The following PDE4DIP variants were observed in gnomAD, a reference collection of about 807,000 sequenced individuals.
PDE4DIP encodes the protein phosphodiesterase 4D interacting protein.
Under a neutral mutation model 221.4 loss-of-function variants are expected in PDE4DIP, and 59 were observed. The ratio of observed to expected loss-of-function variants is 0.27; its 90% CI spans 0.22 to 0.33. The LOEUF is 0.33. PDE4DIP is among the 10% of genes least tolerant of loss of function. The pLI, the probability that PDE4DIP is intolerant of heterozygous loss-of-function variation, is 1.00. For missense variants in PDE4DIP, 1,036 were observed against 2,154.2 expected (o/e 0.48, Z 10.28); for synonymous variants, 404 against 815.9 (o/e 0.50, Z 8.60).
At chr1:148,986,506 T>TA (rs1309686163) in intron 21 of PDE4DIP, 53 of 152,274 alleles carry the variant, frequency 3.5e-4, no homozygotes, top group African/African-American at 1.1e-3. Flanking sequence ...AAGATATTTA[T>TA]AAAAAAAGTA....
intron 5 of PDE4DIP, among the ~76,000 whole-genome samples, chr1:148,941,359 T>C (rs587739645): frequency 1.3e-5 from 1 of 74,556 alleles, no homozygotes; most frequent in Non-Finnish European, 2.5e-5. Context: ...AGCTAAGGAA[T>C]TGGGAGTAAT....
intron 18 of PDE4DIP, 46 bp from the exon 22 acceptor site, chr1:148,978,232 C>T: frequency 2.7e-6 from 4 of 1,505,070 alleles, no homozygotes; most frequent in Non-Finnish European, 2.7e-6. Flanking sequence ...GCTGAATAAT[C>T]CTTTTATTAC....
intron 32 of PDE4DIP, among the ~76,000 whole-genome samples, chr1:149,014,978 T>C (rs2069931325): frequency 6.6e-6 from 1 of 151,318 alleles, no homozygotes; most frequent in South Asian, 2.1e-4. Context: ...TCCCTTTGCC[T>C]TGTGTTCGGA....
At chr1:149,020,277 G>C in exon 36 of PDE4DIP, 1 of 546,312 alleles carries the variant, frequency 1.8e-6, no homozygotes, top group South Asian at 2.2e-5. Flanking sequence ...TGAGGGAGAA[G>C]CAGCAAGAGG....
intron 3 of PDE4DIP, among the ~76,000 whole-genome samples, chr1:148,877,259 G>T (rs1206031606): frequency 1.3e-5 from 2 of 149,410 alleles, no homozygotes; most frequent in Admixed American, 1.3e-4. Context: ...TCATTTTTGA[G>T]GGAGAAAAGA....
intron 5 of PDE4DIP, among the ~76,000 whole-genome samples, chr1:148,949,623 A>G (rs1553486082): frequency 6.6e-6 from 1 of 152,236 alleles, no homozygotes; most frequent in African/African-American, 2.4e-5. Flanking sequence ...CCACAAGATA[A>G]TAATGGTAAG....
rs139804385 is a variant in PDE4DIP at position 148,980,030 on chromosome 1, C to T, written c.2687+181C>T. The stretch of plus-strand genomic sequence containing the variant: ...CATTTGTTTTATGGATTGCTCTGAG[C>T]CTCAGTGTCAAAATCTTAAGTTGGG... On this transcript the variant is annotated intron_variant, in intron 20 of 43. Transcript: ENST00000369354. 2.0e-5 allele frequency among the ~76,000 whole-genome samples: 3 copies of T among 152,362 alleles called. No homozygotes were observed. In the East Asian group the frequency reaches 5.8e-4, roughly 29 times the overall value.
chr1:148,965,501 G>C (rs1553517254), exon 10 of PDE4DIP: 2 of 1,612,156 alleles, frequency 1.2e-6, no homozygotes, highest in Admixed American at 1.7e-5. Context: ...GAAAAGCCTT[G>C]CAGCAGCTAC....
chr1:149,013,975 A>C (rs1175970033), intron 32 of PDE4DIP, among the ~76,000 whole-genome samples: 1 of 151,708 alleles, frequency 6.6e-6, no homozygotes, highest in Non-Finnish European at 1.5e-5. Context: ...TTTTGTAGAG[A>C]CAGGGTTTCG....
chr1:148,918,623 A>C (rs138698886), intron 1 of PDE4DIP, among the ~76,000 whole-genome samples: 158 of 52,978 alleles, frequency 3.0e-3, no homozygotes, highest in African/African-American at 0.011. Context: ...CTCTCTCTCT[A>C]CACACACACA....
At chr1:148,829,058 A>T (rs1432700118) in intron 1 of PDE4DIP, among the ~76,000 whole-genome samples, 13 of 149,914 alleles carry the variant, frequency 8.7e-5, no homozygotes, top group Non-Finnish European at 1.3e-4. Flanking sequence ...TCACACACAC[A>T]CACTTCCTCA....
chr1:148,919,796 A>G (rs1573408395), intron 1 of PDE4DIP, among the ~76,000 whole-genome samples: 1 of 150,422 alleles, frequency 6.6e-6, no homozygotes, highest in Admixed American at 6.6e-5. Context: ...CTGCTAAATT[A>G]TTTTTTAAAA....
chr1:148,892,003 T>C (rs1289982422), intron 1 of PDE4DIP, among the ~76,000 whole-genome samples: 1 of 84,928 alleles, frequency 1.2e-5, no homozygotes, highest in Non-Finnish European at 2.2e-5. Flanking sequence ...GGGAAAGGAT[T>C]TTGTTGTTGT....
intron 1 of PDE4DIP, among the ~76,000 whole-genome samples, chr1:148,862,329 G>T (rs1389026622): frequency 2.7e-5 from 4 of 149,488 alleles, no homozygotes; most frequent in Non-Finnish European, 4.5e-5. Flanking sequence ...AAAAGCACTT[G>T]TCAAGCATGG....
intron 1 of PDE4DIP, among the ~76,000 whole-genome samples, chr1:148,827,249 T>C (rs2149899068): frequency 1.7e-5 from 1 of 59,542 alleles, no homozygotes; most frequent in African/African-American, 6.8e-5. Context: ...ATATTCTTTT[T>C]TTTTTTTTTT....
At chr1:149,023,303 G>A (rs1474234452) in intron 37 of PDE4DIP, among the ~76,000 whole-genome samples, 5 of 152,148 alleles carry the variant, frequency 3.3e-5, no homozygotes, top group South Asian at 2.1e-4. Context: ...AGCTCATTGC[G>A]GAAATAGTTA....
chr1:148,885,912 G>T, upstream of PDE4DIP, among the ~76,000 whole-genome samples: 1 of 106,668 alleles, frequency 9.4e-6, no homozygotes. Context: ...ATACTATAAT[G>T]TAGAATATAC....
At chr1:149,032,075 C>T (rs1399158429) in exon 44 of PDE4DIP, 2 of 1,607,758 alleles carry the variant, frequency 1.2e-6, no homozygotes, top group Admixed American at 3.4e-5. Context: ...TTTTGTGCAG[C>T]TACCTATCTG....
intron 2 of PDE4DIP, chr1:148,930,687 T>A (rs2590119): frequency 5.3e-5 from 8 of 149,922 alleles, no homozygotes; most frequent in East Asian, 3.9e-4. Context: ...AAACACTGCT[T>A]AAAGAAATCA....
Sources: gnomAD v4.1 joint callset for allele counts (sites outside exome capture counted in the v4.1 genomes callset) on GRCh38, gnomAD v4.1.1 for gene constraint, MANE v1.5 for transcripts, NCBI Gene and HGNC (gene_info 2026-07-23, HGNC 2026-07-21) for gene names.